The following MID1 variants were observed in gnomAD, a reference collection of about 807,000 sequenced individuals.
MID1 encodes E3 ubiquitin-protein ligase Midline-1.
MID1 carries 7 observed loss-of-function variants against 40.4 expected under a neutral mutation model. That is an observed-to-expected ratio of 0.17 (90% CI 0.10 to 0.33). The LOEUF (loss-of-function observed/expected upper bound fraction) is 0.33. MID1 is among the 10% of genes least tolerant of loss of function. The probability of loss-of-function intolerance (pLI) is 1.00; values close to 1 mark genes in which losing one functional copy is unlikely to be tolerated. For synonymous variants in MID1, 229 were observed against 221.2 expected (o/e 1.04, Z -0.31); for missense variants, 367 against 558.5 (o/e 0.66, Z 3.46).
rs374342079 is a variant in MID1, at chrX:10,777,346, C to T, written c.-187+56208G>A. 3.4e-4 allele frequency among the ~76,000 whole-genome samples: 32 copies of T among 94,472 alleles called. No homozygotes were observed. The South Asian group carries it at 0.016, about 46-fold the overall frequency. 82.0% of individuals were successfully genotyped at this position (94,472 alleles called of 115,157 possible). A position where few individuals can be genotyped will look rare whatever the true frequency, so the allele number is the denominator to read the frequency against. ...CTGAGTAGCTGGGACTACAGGCGCC[C>T]GCCACCATGCCCGGCTAATTTTTTT... is the stretch of plus-strand genomic sequence containing the variant. On this transcript the variant is annotated intron_variant, in intron 1 of 10. Transcript: ENST00000380785.
At chrX:10,625,202 G>A (rs1423052187), upstream of MID1, among the ~76,000 whole-genome samples, 1 of 111,742 alleles carries the variant, frequency 8.9e-6, no homozygotes, top group Non-Finnish European at 1.9e-5. Flanking sequence ...CTGTAGACTT[G>A]AGGCAGAATT....
At chrX:10,493,123 G>A (rs1237034072) in intron 4 of MID1, among the ~76,000 whole-genome samples, 4 of 111,791 alleles carry the variant, frequency 3.6e-5, no homozygotes, top group African/African-American at 1.3e-4. Flanking sequence ...ATGGCAAAAG[G>A]GACTTTACAG....
intron 1 of MID1, among the ~76,000 whole-genome samples, chrX:10,710,571 G>A (rs367794742): frequency 9.0e-6 from 1 of 110,521 alleles, no homozygotes; most frequent in African/African-American, 3.3e-5. Flanking sequence ...CCAAATGAGA[G>A]TTATTAGCTT....
chrX:10,556,935 T>G (rs1934143870), intron 2 of MID1, among the ~76,000 whole-genome samples: 1 of 112,496 alleles, frequency 8.9e-6, no homozygotes, highest in South Asian at 3.7e-4. Context: ...TTTATGGCAA[T>G]GTCAAAAAAT....
intron 1 of MID1, among the ~76,000 whole-genome samples, chrX:10,751,183 T>A (rs1458415297): frequency 9.1e-6 from 1 of 109,354 alleles, no homozygotes; most frequent in African/African-American, 3.3e-5. Context: ...GAGAATCAAT[T>A]GAACCCAGGA....
rs144696701 is a variant in MID1, at chrX:10,830,660, A to G, written c.-187+2894T>C. Among the ~76,000 whole-genome samples, 195 of 112,270 alleles carry G rather than the reference A, an allele frequency of 1.7e-3. 10 individuals are homozygous for G. In the East Asian group the frequency reaches 0.031, roughly 18 times the overall value. ...ATGTCCATCGCCCCTGGACTAAGCC[A>G]TATTAGTGGTGGGAGAATCCCAGCC... On this transcript the variant is annotated intron_variant, in intron 1 of 10. Coordinates refer to the MID1 transcript ENST00000380785.
intron 1 of MID1, among the ~76,000 whole-genome samples, chrX:10,651,492 T>C (rs1936315846): frequency 1.8e-5 from 2 of 112,501 alleles, no homozygotes; most frequent in Admixed American, 9.4e-5. Context: ...TGACCAAGTT[T>C]AATTCTGCTT....
At chrX:10,691,659 T>G (rs73632647) in intron 1 of MID1, among the ~76,000 whole-genome samples, 199 of 111,871 alleles carry the variant, frequency 1.8e-3, no homozygotes, top group African/African-American at 6.2e-3. Context: ...ATATGTGTGT[T>G]TAAACAATAT....
At chrX:10,516,233 C>A (rs1602334301) in intron 3 of MID1, among the ~76,000 whole-genome samples, 1 of 89,864 alleles carries the variant, frequency 1.1e-5, no homozygotes, top group Non-Finnish European at 2.1e-5. Context: ...CTCGCTCTGT[C>A]CCCCAGGCTG....
At chrX:10,696,313 C>T (rs1026012404) in intron 1 of MID1, among the ~76,000 whole-genome samples, 2 of 111,817 alleles carry the variant, frequency 1.8e-5, no homozygotes, top group African/African-American at 3.3e-5. Flanking sequence ...GCTAGCAGGC[C>T]TCTGTGCATG....
chrX:10,461,617 C>T (rs765994872), intron 7 of MID1, among the ~76,000 whole-genome samples: 1 of 111,523 alleles, frequency 9.0e-6, no homozygotes, highest in Admixed American at 9.5e-5. Context: ...ACTCTGAGTT[C>T]TGGGCCCCAA....
At chrX:10,489,215 C>T (rs978286838) in intron 4 of MID1, among the ~76,000 whole-genome samples, 1 of 111,824 alleles carries the variant, frequency 8.9e-6, no homozygotes, top group East Asian at 2.8e-4. Context: ...ACAGTGCATT[C>T]TGAAGAGGTT....
intron 4 of MID1, among the ~76,000 whole-genome samples, chrX:10,493,296 A>G (rs1375453786): frequency 8.9e-6 from 1 of 111,825 alleles, no homozygotes; most frequent in Non-Finnish European, 1.9e-5. Context: ...CATGAGCCAA[A>G]GAATGCAGGC....
chrX:10,484,635 G>A (rs949670407), intron 4 of MID1, among the ~76,000 whole-genome samples: 38 of 112,296 alleles, frequency 3.4e-4, no homozygotes, highest in African/African-American at 1.2e-3. Context: ...TCTGATTTGA[G>A]CTTTGCAAAC....
chrX:10,779,194 T>A (rs1346453170), intron 1 of MID1, among the ~76,000 whole-genome samples: 5 of 112,460 alleles, frequency 4.4e-5, no homozygotes, highest in East Asian at 5.6e-4. Flanking sequence ...AAGGAATTTT[T>A]AATTTTTTTT....
At chrX:10,822,722 A>G (rs1032134312) in intron 1 of MID1, among the ~76,000 whole-genome samples, 8 of 112,418 alleles carry the variant, frequency 7.1e-5, no homozygotes, top group African/African-American at 2.3e-4. Flanking sequence ...TATGAAAAAA[A>G]GCTCAACATC....
intron 1 of MID1, among the ~76,000 whole-genome samples, chrX:10,642,180 G>A (rs994451743): frequency 2.7e-5 from 3 of 111,643 alleles, no homozygotes; most frequent in African/African-American, 9.8e-5. Flanking sequence ...AATCAGGCAG[G>A]AGAAAGAAAT....
chrX:10,459,971 C>A, intron 7 of MID1, 164 bp from the exon 8 acceptor site: 1 of 550,927 alleles, frequency 1.8e-6, no homozygotes, highest in South Asian at 2.7e-5. Context: ...GTAGATGTGG[C>A]AGATTGCATT....
intron 1 of MID1, among the ~76,000 whole-genome samples, chrX:10,714,146 G>C (rs764312349): frequency 8.9e-6 from 1 of 112,172 alleles, no homozygotes; most frequent in Non-Finnish European, 1.9e-5. Context: ...CCCTCTTACA[G>C]GCTCCATAGC....
Sources: gnomAD v4.1 joint callset for allele counts (sites outside exome capture counted in the v4.1 genomes callset) on GRCh38, gnomAD v4.1.1 for gene constraint, MANE v1.5 for transcripts, NCBI Gene and HGNC (gene_info 2026-07-23, HGNC 2026-07-21) for gene names.